The following PRKG1 variants were observed in gnomAD, a reference collection of about 807,000 sequenced individuals.
PRKG1 encodes the protein cGMP-dependent protein kinase 1.
A neutral mutation model predicts 88.1 loss-of-function variants in PRKG1; 35 were observed. The ratio of observed to expected loss-of-function variants is 0.40; its 90% CI spans 0.30 to 0.53. PRKG1 has a LOEUF of 0.53. Among genes scored for constraint, PRKG1 ranks in the 20% least tolerant of loss-of-function variants. PRKG1 has a pLI of 0.59. For synonymous variants in PRKG1, 303 were observed against 292.5 expected, an observed-to-expected ratio of 1.04 and a Z score of -0.37; for missense variants, 540 against 839.8, an observed-to-expected ratio of 0.64 and a Z score of 4.41.
intron 4 of PRKG1, among the ~76,000 whole-genome samples, chr10:51,883,890 G>T (rs1217694186): frequency 6.6e-6 from 1 of 152,056 alleles, no homozygotes; most frequent in Admixed American, 6.5e-5. Context: ...CTTTAAGACT[G>T]TCAGTAGAAA....
rs1839306912 is a variant in PRKG1 at position 51,447,434 on chromosome 10, C to CAGT, written c.479-20288_479-20286dup. On this transcript the variant is annotated intron_variant, in intron 2 of 17. Coordinates refer to ENST00000373980, the MANE Select transcript of PRKG1 (RefSeq NM_006258.4). ...GCATTCTTGCGAGTTTAGCTCTGAC[C>CAGT]AGTCTTCAGTAGATATATAAGAAAG... Among the ~76,000 whole-genome samples the CAGT allele has an allele frequency of 1.3e-5, 2 of 152,098 alleles. 1 individual carries two copies. The highest frequency in any genetic ancestry group is 2.9e-5 in the Non-Finnish European group (2 of 67,960).
intron 7 of PRKG1, among the ~76,000 whole-genome samples, chr10:52,065,198 T>A (rs1846328058): frequency 6.6e-6 from 1 of 152,160 alleles, no homozygotes; most frequent in African/African-American, 2.4e-5. Context: ...ATAACCAGTA[T>A]ATCTCAGTTA....
intron 1 of PRKG1, among the ~76,000 whole-genome samples, chr10:51,037,563 C>A (rs563135527): frequency 7.9e-5 from 12 of 151,536 alleles, no homozygotes; most frequent in Admixed American, 6.6e-4. Context: ...GCAGGCAGAT[C>A]ACTTGAGGTC....
At chr10:52,224,836 T>TATATATATATATATATATATATATACAC (rs1457134141) in intron 9 of PRKG1, among the ~76,000 whole-genome samples, 2 of 89,844 alleles carry the variant, frequency 2.2e-5, no homozygotes, top group Non-Finnish European at 2.5e-5. Context: ...TATATATATA[T>TATATATATATATATATATATATATACAC]ATACATACAT....
intron 9 of PRKG1, among the ~76,000 whole-genome samples, chr10:52,209,717 C>T (rs370955779): frequency 7.3e-4 from 111 of 152,190 alleles, no homozygotes; most frequent in African/African-American, 2.5e-3. Context: ...TATCACAAAG[C>T]GGCAGCACCA....
chr10:52,063,871 G>T (rs1406519443), intron 7 of PRKG1, among the ~76,000 whole-genome samples: 1 of 152,076 alleles, frequency 6.6e-6, no homozygotes, highest in Non-Finnish European at 1.5e-5. Context: ...AGAGTGGGTA[G>T]CTCCTCTCTG....
intron 1 of PRKG1, among the ~76,000 whole-genome samples, chr10:51,138,369 T>G (rs963423117): frequency 6.6e-6 from 1 of 152,026 alleles, no homozygotes; most frequent in Admixed American, 6.6e-5. Context: ...GAGGGGAGGG[T>G]AATGAGGCTT....
intron 2 of PRKG1, among the ~76,000 whole-genome samples, chr10:51,408,766 G>A (rs117619500): frequency 0.031 from 4,756 of 152,288 alleles, 101 homozygotes; most frequent in Non-Finnish European, 0.048. Context: ...CCCATTAGGC[G>A]ATGACAGGGA....
At chr10:51,944,294 G>A (rs1455976367) in intron 5 of PRKG1, among the ~76,000 whole-genome samples, 2 of 151,958 alleles carry the variant, frequency 1.3e-5, no homozygotes, top group South Asian at 2.1e-4. Context: ...CGGGATCAGT[G>A]GTGATATCCC....
At chr10:51,035,201 A>G (rs183059516) in intron 1 of PRKG1, among the ~76,000 whole-genome samples, 21 of 152,294 alleles carry the variant, frequency 1.4e-4, no homozygotes, top group Admixed American at 8.5e-4. Flanking sequence ...TCTGTGCCTC[A>G]GTTCCACATC....
At chr10:51,360,824 A>C (rs1172200474) in intron 2 of PRKG1, among the ~76,000 whole-genome samples, 1 of 151,880 alleles carries the variant, frequency 6.6e-6, no homozygotes, top group African/African-American at 2.4e-5. Flanking sequence ...CAGGCAACAC[A>C]TTTCATGATA....
chr10:51,940,560 C>G (rs377242203), intron 5 of PRKG1, among the ~76,000 whole-genome samples: 17 of 151,794 alleles, frequency 1.1e-4, no homozygotes, highest in African/African-American at 4.1e-4. Flanking sequence ...AAAATGGGCC[C>G]TACCTCTCAT....
At chr10:51,615,279 G>A (rs1839019539) in intron 3 of PRKG1, among the ~76,000 whole-genome samples, 2 of 151,974 alleles carry the variant, frequency 1.3e-5, no homozygotes, top group Admixed American at 6.5e-5. Context: ...TTGTCTTTGA[G>A]TTTAGACAGT....
chr10:51,828,188 G>A (rs1232917645), intron 4 of PRKG1, among the ~76,000 whole-genome samples: 1 of 152,104 alleles, frequency 6.6e-6, no homozygotes, highest in Non-Finnish European at 1.5e-5. Flanking sequence ...TGTCAAAGGA[G>A]CTCAAATTCT....
chr10:51,251,409 G>T (rs1839424273), intron 2 of PRKG1, among the ~76,000 whole-genome samples: 1 of 151,760 alleles, frequency 6.6e-6, no homozygotes, highest in Non-Finnish European at 1.5e-5. Flanking sequence ...CACTTGGAAG[G>T]ATATGTGTAA....
chr10:52,105,802 C>G (rs1176677885), intron 7 of PRKG1, among the ~76,000 whole-genome samples: 1 of 151,760 alleles, frequency 6.6e-6, no homozygotes, highest in African/African-American at 2.4e-5. Flanking sequence ...AAATTTGTTT[C>G]TTTTCAATGC....
chr10:51,047,600 A>G (rs903581893), intron 1 of PRKG1, among the ~76,000 whole-genome samples: 3 of 143,688 alleles, frequency 2.1e-5, no homozygotes, highest in African/African-American at 5.2e-5. Context: ...ACACAAAACC[A>G]TATCTGTTAT....
At position 51,229,921 on chromosome 10, in the gene PRKG1, G is replaced by A. The variant is rs1292896073; in HGVS notation, c.478+76591G>A. On this transcript the variant is annotated intron_variant, in intron 2 of 17. Transcript: ENST00000373980. ...GTCAGCCTGGGTTACAGGGTGAGGC[G>A]ATCTCAAAAAAAAAAAAAAAAAAAA... Among the ~76,000 whole-genome samples, 25 of 73,030 alleles carry A rather than the reference G, an allele frequency of 3.4e-4. 1 individual carries two copies. The highest frequency in any genetic ancestry group is 0.022 in the Middle Eastern group (2 of 92). 47.9% of individuals were successfully genotyped at this position (73,030 alleles called of 152,430 possible).
intron 3 of PRKG1, among the ~76,000 whole-genome samples, chr10:51,678,559 C>T (rs1285935970): frequency 6.6e-6 from 1 of 152,060 alleles, no homozygotes; most frequent in Non-Finnish European, 1.5e-5. Flanking sequence ...TAAATAGAGC[C>T]TGGTGGTGTT....
Sources: allele counts gnomAD v4.1 joint callset (sites outside exome capture counted in the v4.1 genomes callset), GRCh38; gene constraint gnomAD v4.1.1; transcripts MANE v1.5; gene names NCBI Gene and HGNC (gene_info 2026-07-23, HGNC 2026-07-21).